Variants in PDE5A observed in about 807,000 individuals in gnomAD.
PDE5A encodes the protein phosphodiesterase 5A, also known as cGMP-specific 3',5'-cyclic phosphodiesterase.
In PDE5A, 67 loss-of-function variants were observed where a neutral mutation model predicts 110.2. The observed-to-expected ratio is 0.61, with a 90% CI of 0.50 to 0.75. The LOEUF (loss-of-function observed/expected upper bound fraction) is 0.75, where lower values mean the gene tolerates loss of function less well. Among genes scored for constraint, PDE5A ranks in the 30% least tolerant of loss-of-function variants. PDE5A has a pLI of 0.00. For synonymous variants in PDE5A, 328 were observed against 351.2 expected, an observed-to-expected ratio of 0.93 and a Z score of 0.74; for missense variants, 862 against 1,045.1, an observed-to-expected ratio of 0.82 and a Z score of 2.42.
At chr4:119,601,835 C>T (rs2110543236) in intron 2 of PDE5A, among the ~76,000 whole-genome samples, 1 of 152,212 alleles carries the variant, frequency 6.6e-6, no homozygotes, top group South Asian at 2.1e-4. Context: ...TCAGCATTAA[C>T]ATATATGGTA....
intron 9 of PDE5A, among the ~76,000 whole-genome samples, chr4:119,544,177 C>T (rs760037842): frequency 4.6e-5 from 7 of 152,106 alleles, no homozygotes; most frequent in Non-Finnish European, 1.0e-4. Context: ...TTACCACCAT[C>T]AATGTTCACT....
At position 119,627,382 on chromosome 4, in the gene PDE5A, G is replaced by T. The variant is rs966220851; in HGVS notation, c.152+1138C>A. ...CTGGCGGGGAGCGACCGGCAGAGCCGCGGCCGCGCGCCGGCGAGTGGGACC... is the reference window on the plus strand; with the variant it reads ...CTGGCGGGGAGCGACCGGCAGAGCCTCGGCCGCGCGCCGGCGAGTGGGACC... On this transcript the variant is annotated intron_variant, in intron 1 of 20. Transcript: ENST00000354960. The surrounding 1 kb of genome is among the most constrained non-coding windows in gnomAD (Gnocchi z 4.6). The T allele has an allele frequency of 4.6e-6, 4 of 871,082 alleles. No individual in the cohort carries two copies. The highest frequency in any genetic ancestry group is 6.1e-5 in the Admixed American group (1 of 16,370). The allele number at this position is 871,082 out of a possible 1,614,324, so 54.0% of individuals were successfully genotyped here.
At chr4:119,588,143 G>A (rs956791496) in intron 3 of PDE5A, among the ~76,000 whole-genome samples, 3 of 149,242 alleles carry the variant, frequency 2.0e-5, no homozygotes, top group Admixed American at 6.7e-5. Context: ...AATTTTTGGT[G>A]TACAAGAGCT....
Position 119,627,914 on chromosome 4 carries a change from G to T in PDE5A, c.152+606C>A. The T allele has an allele frequency of 2.7e-6, 1 of 375,990 alleles. No individual in the cohort carries two copies. The highest frequency in any genetic ancestry group is 3.7e-6 in the Non-Finnish European group (1 of 272,636). The allele number at this position is 375,990 out of a possible 1,614,324, so 23.3% of individuals were successfully genotyped here. ...GCAGAGCTCTACTTTTGGCGGCACA[G>T]CCTTCGGCGGAAAAGCGAGTGAAAG... On this transcript the variant is annotated intron_variant, in intron 1 of 20. Coordinates refer to ENST00000354960, the MANE Select transcript of PDE5A (RefSeq NM_001083.4). The surrounding 1 kb of genome is among the most constrained non-coding windows in gnomAD (Gnocchi z 4.6).
intron 8 of PDE5A, 48 bp from the exon 9 acceptor site, chr4:119,552,685 G>T: frequency 9.6e-7 from 1 of 1,039,880 alleles, no homozygotes; most frequent in South Asian, 1.6e-5. Flanking sequence ...TAAAGAGATT[G>T]ATTTGTCCAT....
intron 9 of PDE5A, among the ~76,000 whole-genome samples, chr4:119,544,240 G>C (rs1293683537): frequency 6.6e-6 from 1 of 151,614 alleles, no homozygotes; most frequent in Non-Finnish European, 1.5e-5. Flanking sequence ...TGCTCTTTTT[G>C]TTTGTTTATC....
chr4:119,577,589 A>G (rs957251277), intron 3 of PDE5A, among the ~76,000 whole-genome samples: 1 of 152,234 alleles, frequency 6.6e-6, no homozygotes, highest in Non-Finnish European at 1.5e-5. Flanking sequence ...CAAAAACCAT[A>G]TGATTATCTC....
At chr4:119,595,897 G>T (rs1457269695) in intron 3 of PDE5A, among the ~76,000 whole-genome samples, 3 of 152,148 alleles carry the variant, frequency 2.0e-5, no homozygotes, top group African/African-American at 4.8e-5. Flanking sequence ...CCAGTTGGTT[G>T]TAATACACAG....
chr4:119,614,215 C>T (rs1039062176), intron 1 of PDE5A, among the ~76,000 whole-genome samples: 2 of 151,730 alleles, frequency 1.3e-5, no homozygotes, highest in African/African-American at 2.4e-5. Flanking sequence ...TCTCTGAAAA[C>T]AGGTCACATT....
chr4:119,547,844 A>G lies in PDE5A; in HGVS notation c.1396+4706T>C, dbSNP rs1303592985. 1.3e-5 allele frequency among the ~76,000 whole-genome samples: 2 copies of G among 152,030 alleles called. 1 individual carries two copies. The highest frequency in any genetic ancestry group is 1.3e-4 in the Admixed American group (2 of 15,272). Reference sequence around the variant, plus strand: ...TCAGAAACGACTGACTTTATGTTGCATATCACCAATATTTGATTTCTGACA... The same window carrying G: ...TCAGAAACGACTGACTTTATGTTGCGTATCACCAATATTTGATTTCTGACA... On this transcript the variant is annotated intron_variant, in intron 9 of 20. Transcript: ENST00000354960.
chr4:119,516,162 T>A (rs1487898456), intron 14 of PDE5A, among the ~76,000 whole-genome samples: 3 of 152,158 alleles, frequency 2.0e-5, no homozygotes, highest in African/African-American at 7.2e-5. Flanking sequence ...TTTCCTCCAT[T>A]AACAATGGAG....
chr4:119,627,088 C>CCCGCCGCGCCCCCG lies in PDE5A; in HGVS notation c.152+1431_152+1432insCGGGGGCGCGGCGG. ...CACCGGGGCGCCACCACCCAGCACC[C>CCCGCCGCGCCCCCG]GAGACCCGCCGCGCCCCCGGAAAAA... On this transcript the variant is annotated intron_variant, in intron 1 of 20. Transcript: ENST00000354960. The surrounding 1 kb of genome is among the most constrained non-coding windows in gnomAD (Gnocchi z 4.6). The CCCGCCGCGCCCCCG allele has an allele frequency of 6.2e-7, 1 of 1,603,736 alleles. No individual in the cohort carries two copies. Among genetic ancestry groups the CCCGCCGCGCCCCCG allele is most frequent in the African/African-American group, 1.3e-5 (1 of 74,804 alleles).
intron 9 of PDE5A, among the ~76,000 whole-genome samples, chr4:119,551,080 T>C (rs1727337504): frequency 6.6e-6 from 1 of 151,996 alleles, no homozygotes; most frequent in African/African-American, 2.4e-5. Context: ...TTCACCAGGG[T>C]CAGGAGCTGA....
intron 11 of PDE5A, among the ~76,000 whole-genome samples, chr4:119,538,318 C>T (rs1232718467): frequency 6.6e-6 from 1 of 152,120 alleles, no homozygotes; most frequent in Non-Finnish European, 1.5e-5. Context: ...ACTGTTGTCA[C>T]AACTCACATG....
chr4:119,501,214 T>A lies in PDE5A; in HGVS notation c.2446A>T (p.Met816Leu). 1.9e-6 allele frequency: 3 copies of A among 1,612,558 alleles called. No homozygotes were observed. Among genetic ancestry groups the A allele is most frequent in the Non-Finnish European group, 2.5e-6 (3 of 1,178,670 alleles). The change falls in exon 20 of 21, where the codon ATG becomes TTG. Residue 816 changes from methionine (M) to leucine (L), a missense_variant. By Grantham distance (15) the Met-to-Leu change is conservative. Transcript: ENST00000354960. Reference sequence around the variant, plus strand: ...ATGGCATCTATGAACCCAACTTGCATACTTGGGATTTTGTTTTTCTTCTCC... The same window carrying A: ...ATGGCATCTATGAACCCAACTTGCAAACTTGGGATTTTGTTTTTCTTCTCC... ...NREKKNKIPS[M>L]QVGFIDAICL...
chr4:119,525,926 G>A lies in PDE5A; in HGVS notation c.1633-231C>T, dbSNP rs577822310. On this transcript the variant is annotated intron_variant, in intron 11 of 20. Coordinates refer to ENST00000354960, the MANE Select transcript of PDE5A (RefSeq NM_001083.4). The surrounding 1 kb of genome is among the most constrained non-coding windows in gnomAD (Gnocchi z 4.3). ...CAAAGTAGGCTAAGTGGAGAAAAGGGAGTTGTCACCCTTAGACTGTACCTG... is the reference window on the plus strand; with the variant it reads ...CAAAGTAGGCTAAGTGGAGAAAAGGAAGTTGTCACCCTTAGACTGTACCTG... 6.6e-6 allele frequency among the ~76,000 whole-genome samples: 1 copy of A among 152,200 alleles called. No individual in the cohort carries two copies. The highest frequency in any genetic ancestry group is 2.1e-4 in the South Asian group (1 of 4,810).
At chr4:119,568,157 A>G (rs948845496) in intron 3 of PDE5A, among the ~76,000 whole-genome samples, 3 of 150,458 alleles carry the variant, frequency 2.0e-5, no homozygotes, top group African/African-American at 7.4e-5. Context: ...TTTTTTGCCC[A>G]TATGGTAAAG....
chr4:119,576,056 A>T (rs1236179648), intron 3 of PDE5A, among the ~76,000 whole-genome samples: 1 of 152,220 alleles, frequency 6.6e-6, no homozygotes, highest in African/African-American at 2.4e-5. Context: ...GATAAAACAG[A>T]TTTTAAACCA....
chr4:119,529,182 ATC>A (rs952333050), intron 11 of PDE5A, among the ~76,000 whole-genome samples: 10 of 151,934 alleles, frequency 6.6e-5, no homozygotes, highest in South Asian at 2.1e-4. Flanking sequence ...TTAATTAATA[ATC>A]TCTCTCACAA....
Sources: gnomAD v4.1 joint callset for allele counts (sites outside exome capture counted in the v4.1 genomes callset) on GRCh38, gnomAD v4.1.1 for gene constraint, Gnocchi (gnomAD v3.1) non-coding constraint, MANE v1.5 for transcripts, NCBI Gene and HGNC (gene_info 2026-07-23, HGNC 2026-07-21) for gene names.